The following POU2F1 variants were observed in gnomAD, a reference collection of about 807,000 sequenced individuals.
POU2F1 encodes POU domain, class 2, transcription factor 1.
A neutral mutation model predicts 84.9 loss-of-function variants in POU2F1; 16 were observed. The ratio of observed to expected loss-of-function variants is 0.19; its 90% CI spans 0.13 to 0.29. The LOEUF is 0.29. Among genes scored for constraint, POU2F1 ranks in the 10% least tolerant of loss-of-function variants. POU2F1 has a pLI of 1.00. For missense variants in POU2F1, 738 were observed against 942.6 expected (o/e 0.78, Z 2.84); for synonymous variants, 368 against 368.3 (o/e 1.00, Z 0.01).
At chr1:167,403,382 T>A (rs548661365) in intron 13 of POU2F1, among the ~76,000 whole-genome samples, 1 of 152,368 alleles carries the variant, frequency 6.6e-6, no homozygotes, top group South Asian at 2.1e-4. Context: ...AACTATGAGA[T>A]AATAAATTGT....
chr1:167,303,025 C>T (rs1412318711), intron 1 of POU2F1, among the ~76,000 whole-genome samples: 2 of 152,094 alleles, frequency 1.3e-5, no homozygotes, highest in South Asian at 4.1e-4. Context: ...AGAATACATC[C>T]ATAGCAACCT....
chr1:167,339,485 A>G (rs1289693924), intron 2 of POU2F1, among the ~76,000 whole-genome samples: 1 of 152,234 alleles, frequency 6.6e-6, no homozygotes, highest in Non-Finnish European at 1.5e-5. Flanking sequence ...AAAAAACTAA[A>G]TCAACTATTT....
At chr1:167,329,743 T>A (rs1034230360) in intron 1 of POU2F1, among the ~76,000 whole-genome samples, 2 of 152,048 alleles carry the variant, frequency 1.3e-5, no homozygotes, top group African/African-American at 4.8e-5. Context: ...AAAAATAAGG[T>A]TGAGTCACAA....
chr1:167,359,092 C>T (rs1250239127), intron 2 of POU2F1, among the ~76,000 whole-genome samples: 1 of 151,314 alleles, frequency 6.6e-6, no homozygotes, highest in East Asian at 1.9e-4. Flanking sequence ...TTTCTCAGTG[C>T]TCTTATCCTT....
At chr1:167,368,299 AT>A (rs1659809547) in intron 3 of POU2F1, among the ~76,000 whole-genome samples, 1 of 151,174 alleles carries the variant, frequency 6.6e-6, no homozygotes, top group Non-Finnish European at 1.5e-5. Flanking sequence ...CAAGTTATGC[AT>A]TTTTGAAAGG....
chr1:167,348,092 A>AT (rs1000632206), intron 2 of POU2F1, among the ~76,000 whole-genome samples: 9 of 152,320 alleles, frequency 5.9e-5, no homozygotes, highest in African/African-American at 1.9e-4. Context: ...GAAATGCACC[A>AT]TTGTATGAAC....
At chr1:167,399,696 CAG>C (rs1649056579) in intron 12 of POU2F1, among the ~76,000 whole-genome samples, 1 of 152,014 alleles carries the variant, frequency 6.6e-6, no homozygotes, top group Non-Finnish European at 1.5e-5. Context: ...TTTTTTGAGA[CAG>C]AGTCTCATTC....
intron 1 of POU2F1, among the ~76,000 whole-genome samples, chr1:167,301,885 G>A (rs1654724687): frequency 6.6e-6 from 1 of 151,512 alleles, no homozygotes; most frequent in Non-Finnish European, 1.5e-5. Context: ...CTTAAAGTAT[G>A]GACAGATCAA....
intron 13 of POU2F1, among the ~76,000 whole-genome samples, chr1:167,407,703 G>A (rs2101933764): frequency 6.6e-6 from 1 of 152,224 alleles, no homozygotes; most frequent in Middle Eastern, 3.4e-3. Flanking sequence ...TATGCAGAAA[G>A]AGGAATAGAG....
At chr1:167,230,589 T>G (rs946042014) in intron 1 of POU2F1, among the ~76,000 whole-genome samples, 1 of 152,182 alleles carries the variant, frequency 6.6e-6, no homozygotes, top group South Asian at 2.1e-4. Flanking sequence ...TCCTTATTTA[T>G]CTTAAGGGAC....
chr1:167,253,149 G>A (rs1477630404), intron 1 of POU2F1, among the ~76,000 whole-genome samples: 16 of 152,158 alleles, frequency 1.1e-4, no homozygotes, highest in Admixed American at 1.0e-3. Context: ...TAATTATCAA[G>A]GGACAGTTTC....
In POU2F1 at chr1:167,401,533, C is replaced by T. The variant is rs957454838; in HGVS notation, c.1532C>T (p.Ala511Val). Residue 511 changes from alanine to valine, a missense_variant, in exon 13 of 16, where the codon GCT becomes GTT. Physicochemically the swap from Ala to Val is moderately conservative, Grantham distance 64. Transcript: ENST00000367866. ...VSPVLPLTSA[A>V]VTNLSVTGTS... is the part of the protein sequence containing the mutation. Reference sequence around the variant, plus strand: ...CCTGTCCTCCCTCTGACCAGTGCTGCTGTGACGAATCTTTCAGTTACAGGT... The same window carrying T: ...CCTGTCCTCCCTCTGACCAGTGCTGTTGTGACGAATCTTTCAGTTACAGGT... 25 of 1,608,732 alleles carry T rather than the reference C, an allele frequency of 1.6e-5. No individual in the cohort carries two copies. Among genetic ancestry groups the T allele is most frequent in the Non-Finnish European group, 2.0e-5 (23 of 1,177,788 alleles).
chr1:167,414,297 T>C (rs1482335165), intron 15 of POU2F1: 1 of 981,612 alleles, frequency 1.0e-6, no homozygotes, highest in Non-Finnish European at 1.2e-6. Context: ...GTTTCTGTGC[T>C]GTGTTGATAC....
At chr1:167,410,386 C>T (rs1176919278) in intron 13 of POU2F1, among the ~76,000 whole-genome samples, 1 of 152,090 alleles carries the variant, frequency 6.6e-6, no homozygotes, top group Admixed American at 6.5e-5. Context: ...GTTCTTAGTA[C>T]AGACCAGAAG....
Position 167,415,907 on chromosome 1 carries a change from C to T in POU2F1, c.*97C>T. ...AACTGAAAAATGTGATTGGCTTCCTCTCGCCGTGTTGTGAGGGCAAAGGAG... is the reference window on the plus strand; with the variant it reads ...AACTGAAAAATGTGATTGGCTTCCTTTCGCCGTGTTGTGAGGGCAAAGGAG... On this transcript the variant is annotated 3_prime_UTR_variant, in exon 16 of 16. Coordinates refer to ENST00000367866, the MANE Select transcript of POU2F1 (RefSeq NM_002697.4). 2 of 1,172,592 alleles carry T rather than the reference C, an allele frequency of 1.7e-6. No individual in the cohort carries two copies. Among genetic ancestry groups the T allele is most frequent in the South Asian group, 1.4e-5 (1 of 70,356 alleles). The allele number at this position is 1,172,592 out of a possible 1,614,324, so 72.6% of individuals were successfully genotyped here.
intron 1 of POU2F1, among the ~76,000 whole-genome samples, chr1:167,279,884 C>G (rs1652995235): frequency 6.6e-6 from 1 of 152,092 alleles, no homozygotes; most frequent in Non-Finnish European, 1.5e-5. Context: ...GATAAGCACT[C>G]TGACTTGACA....
chr1:167,237,305 T>C (rs1007518236), intron 1 of POU2F1, among the ~76,000 whole-genome samples: 1 of 152,176 alleles, frequency 6.6e-6, no homozygotes, highest in Admixed American at 6.5e-5. Flanking sequence ...ATTTAGAATG[T>C]TGAGAAGTTA....
chr1:167,377,956 G>T (rs190410302), intron 7 of POU2F1, among the ~76,000 whole-genome samples: 10 of 152,256 alleles, frequency 6.6e-5, no homozygotes, highest in Admixed American at 5.9e-4. Context: ...AGTGTTGATG[G>T]ATATTTAGGT....
At chr1:167,391,966 C>T (rs957244425) in intron 9 of POU2F1, among the ~76,000 whole-genome samples, 2 of 152,110 alleles carry the variant, frequency 1.3e-5, no homozygotes, top group African/African-American at 4.8e-5. Context: ...AATACAGTTA[C>T]ATTTGTGAGG....
Sources: allele counts gnomAD v4.1 joint callset (sites outside exome capture counted in the v4.1 genomes callset), GRCh38; gene constraint gnomAD v4.1.1; transcripts MANE v1.5; gene names NCBI Gene and HGNC (gene_info 2026-07-23, HGNC 2026-07-21).